PHC2: variants seen among roughly 807,000 people sequenced by gnomAD.
The protein encoded by PHC2 is polyhomeotic-like protein 2.
Under a neutral mutation model 87.4 loss-of-function variants are expected in PHC2, and 29 were observed. That is an observed-to-expected ratio of 0.33 (90% CI 0.25 to 0.45). The LOEUF (loss-of-function observed/expected upper bound fraction) is 0.45, where lower values mean the gene tolerates loss of function less well. Ranked by LOEUF, PHC2 falls within the 20% of genes least tolerant of loss-of-function variation. The pLI, the probability that PHC2 is intolerant of heterozygous loss-of-function variation, is 1.00. For synonymous variants in PHC2, 438 were observed against 461.7 expected, an observed-to-expected ratio of 0.95 and a Z score of 0.66; for missense variants, 857 against 1,136.7, an observed-to-expected ratio of 0.75 and a Z score of 3.54.
chr1:33,391,079 A>T (rs1030112723), intron 1 of PHC2, among the ~76,000 whole-genome samples: 2 of 152,196 alleles, frequency 1.3e-5, no homozygotes, highest in African/African-American at 4.8e-5. Context: ...GTGAGGTCTT[A>T]TTAAAAATGC....
At chr1:33,430,121 C>T (rs1403081549) in intron 1 of PHC2, among the ~76,000 whole-genome samples, 1 of 151,954 alleles carries the variant, frequency 6.6e-6, no homozygotes, top group South Asian at 2.1e-4. Flanking sequence ...TGTAGCAGAC[C>T]TGGGGAGGGG....
chr1:33,421,403 A>G (rs1312319768), intron 1 of PHC2, among the ~76,000 whole-genome samples: 5 of 152,218 alleles, frequency 3.3e-5, no homozygotes, highest in Non-Finnish European at 2.9e-5. Flanking sequence ...TTTAAATAGC[A>G]GAAGTCTAAG....
chr1:33,375,621 T>C, intron 1 of PHC2, 28 bp from the exon 2 acceptor site: 1 of 1,334,346 alleles, frequency 7.5e-7, no homozygotes, highest in South Asian at 1.7e-5. Context: ...GAAGTGAATG[T>C]TTTGACAGAC....
In PHC2 at chr1:33,368,501, A is replaced by G; in HGVS notation, c.663+35T>C. ...TCAGTGCCCCTCTACAGGGGTGCCC[A>G]CCCCCCTGCCCTCCCACAAGCATGG... On this transcript the variant is annotated intron_variant, in intron 6 of 14. Transcript: ENST00000683057. This position sits in a 1 kb window ranked among gnomAD's most constrained non-coding sequence, Gnocchi z 6.6. 5 of 1,194,886 alleles carry G rather than the reference A, an allele frequency of 4.2e-6. No homozygotes were observed. The highest frequency in any genetic ancestry group is 5.9e-6 in the Non-Finnish European group (5 of 848,602). 74.0% of individuals were successfully genotyped at this position (1,194,886 alleles called of 1,614,324 possible).
At chr1:33,345,497 A>C (rs1335763337) in intron 9 of PHC2, 26 of 957,032 alleles carry the variant, frequency 2.7e-5, no homozygotes, top group Non-Finnish European at 2.9e-5. Context: ...ATAATTTGGA[A>C]GGAGAAGGAA....
rs780773456 is a variant in PHC2 at position 33,370,590 on chromosome 1, TGA to T, written c.412-7_412-6del. 1.9e-6 allele frequency: 3 copies of T among 1,610,884 alleles called. No individual in the cohort carries two copies. Among genetic ancestry groups the T allele is most frequent in the African/African-American group, 1.3e-5 (1 of 75,008 alleles). ...TGGGGAGGCTGCCAGGTTGATCTAA[TGA>T]GAGAGACATGTGCGGTAGGAGATAG... On this transcript the variant is annotated splice_polypyrimidine_tract_variant and splice_region_variant and intron_variant, in intron 4 of 14. Coordinates refer to ENST00000683057, the MANE Select transcript of PHC2 (RefSeq NM_001385109.1).
intron 1 of PHC2, among the ~76,000 whole-genome samples, chr1:33,392,240 A>G (rs144405934): frequency 2.1e-4 from 32 of 152,198 alleles, no homozygotes; most frequent in African/African-American, 7.7e-4. Flanking sequence ...CTCTTCATCC[A>G]CCTGTCTAGT....
chr1:33,367,483 A>G (rs1647543568), intron 6 of PHC2, 55 bp from the exon 7 acceptor site: 5 of 1,350,472 alleles, frequency 3.7e-6, no homozygotes, highest in Admixed American at 2.2e-5. Context: ...CAATGCCAGT[A>G]TACAACTAAG....
intron 9 of PHC2, 52 bp downstream of exon 9, chr1:33,354,349 G>A (rs1245998479): frequency 2.6e-6 from 4 of 1,535,850 alleles, no homozygotes; most frequent in African/African-American, 2.7e-5. Context: ...CCAGGGCATG[G>A]CAAGAAAGGC....
chr1:33,337,520 A>T (rs1462516648), intron 9 of PHC2, among the ~76,000 whole-genome samples: 1 of 152,158 alleles, frequency 6.6e-6, no homozygotes, highest in African/African-American at 2.4e-5. Flanking sequence ...CGGGCAAGTC[A>T]TTGTCCCTCT....
intron 1 of PHC2, among the ~76,000 whole-genome samples, chr1:33,426,674 T>C (rs1650684629): frequency 6.6e-6 from 1 of 152,180 alleles, no homozygotes; most frequent in African/African-American, 2.4e-5. Flanking sequence ...CTTTTGCCCT[T>C]CACACCAGCA....
chr1:33,401,530 G>A (rs949133836), intron 1 of PHC2, among the ~76,000 whole-genome samples: 4 of 152,226 alleles, frequency 2.6e-5, no homozygotes, highest in Middle Eastern at 3.4e-3. Context: ...TACCAACTCC[G>A]CATTTTAGTG....
intron 5 of PHC2, 43 bp downstream of exon 5, chr1:33,370,378 C>G (rs1165403095): frequency 5.1e-6 from 8 of 1,582,594 alleles, no homozygotes; most frequent in Non-Finnish European, 6.1e-6. Flanking sequence ...TGCCTCTGTC[C>G]TCCTGGTGCC....
At position 33,390,466 on chromosome 1, in the gene PHC2, A is replaced by G. The variant is rs531285543; in HGVS notation, c.-54-14873T>C. Among the ~76,000 whole-genome samples, 12 of 152,296 alleles carry G rather than the reference A, an allele frequency of 7.9e-5. No homozygotes were observed. In the East Asian group the frequency reaches 2.1e-3, roughly 27 times the overall value. On this transcript the variant is annotated intron_variant, in intron 1 of 14. Coordinates refer to ENST00000683057, the MANE Select transcript of PHC2 (RefSeq NM_001385109.1). ...CTTATTTTATGGATAGGACAGCCACAAAGTGGTCAAGTATAAAAGTCCATC... is the reference window on the plus strand; with the variant it reads ...CTTATTTTATGGATAGGACAGCCACGAAGTGGTCAAGTATAAAAGTCCATC...
At chr1:33,353,035 A>AATC (rs1647002474) in intron 9 of PHC2, among the ~76,000 whole-genome samples, 1 of 152,222 alleles carries the variant, frequency 6.6e-6, no homozygotes, top group Non-Finnish European at 1.5e-5. Context: ...CCTGCCCCTG[A>AATC]AACAGGCCTC....
chr1:33,386,777 ACAGTGCG>A (rs1357302951), intron 1 of PHC2, among the ~76,000 whole-genome samples: 6 of 152,284 alleles, frequency 3.9e-5, no homozygotes, highest in Non-Finnish European at 7.4e-5. Flanking sequence ...CACACAGCAC[ACAGTGCG>A]CACACACATC....
intron 1 of PHC2, among the ~76,000 whole-genome samples, chr1:33,408,464 GT>G (rs755978317): frequency 1.7e-3 from 210 of 120,506 alleles, no homozygotes; most frequent in Non-Finnish European, 3.0e-3. Flanking sequence ...TTTTGTTTTT[GT>G]TTGTTTTTGT....
intron 9 of PHC2, among the ~76,000 whole-genome samples, chr1:33,351,769 T>C (rs958611654): frequency 2.1e-4 from 32 of 151,956 alleles, no homozygotes; most frequent in East Asian, 7.7e-4. Flanking sequence ...CTGGCTAACA[T>C]GGCGAAACCC....
At chr1:33,412,931 C>T (rs895795005) in intron 1 of PHC2, among the ~76,000 whole-genome samples, 4 of 151,386 alleles carry the variant, frequency 2.6e-5, no homozygotes, top group African/African-American at 9.8e-5. Context: ...CATCAGGGAC[C>T]TTACATATGG....
Sources: gnomAD v4.1 joint callset for allele counts (sites outside exome capture counted in the v4.1 genomes callset) on GRCh38, gnomAD v4.1.1 for gene constraint, Gnocchi (gnomAD v3.1) non-coding constraint, MANE v1.5 for transcripts, NCBI Gene and HGNC (gene_info 2026-07-23, HGNC 2026-07-21) for gene names.